The following KCNAB1 variants were observed in gnomAD, a reference collection of about 807,000 sequenced individuals.
KCNAB1 encodes the protein voltage-gated potassium channel subunit beta-1.
A neutral mutation model predicts 64.6 loss-of-function variants in KCNAB1; 35 were observed. That is an observed-to-expected ratio of 0.54 (90% CI 0.41 to 0.72). KCNAB1 has a LOEUF of 0.72. Among genes scored for constraint, KCNAB1 ranks in the 30% least tolerant of loss-of-function variants. The probability of loss-of-function intolerance (pLI) is 0.00; values close to 1 mark genes in which losing one functional copy is unlikely to be tolerated. For synonymous variants in KCNAB1, 177 were observed against 183.8 expected (o/e 0.96, Z 0.30); for missense variants, 401 against 512.9 (o/e 0.78, Z 2.11).
At chr3:156,237,791 T>G (rs541380363) in intron 1 of KCNAB1, among the ~76,000 whole-genome samples, 1 of 152,192 alleles carries the variant, frequency 6.6e-6, no homozygotes, top group East Asian at 1.9e-4. Flanking sequence ...AAATCATTCC[T>G]GATCTTCTTT....
intron 11 of KCNAB1, among the ~76,000 whole-genome samples, chr3:156,522,897 A>G (rs1051129271): frequency 6.6e-6 from 1 of 152,180 alleles, no homozygotes; most frequent in Non-Finnish European, 1.5e-5. Context: ...GATGATTTTT[A>G]ATTGTTTTCC....
intron 1 of KCNAB1, 21 bp downstream of exon 1, chr3:156,120,907 G>C: frequency 6.2e-7 from 1 of 1,610,640 alleles, no homozygotes; most frequent in Non-Finnish European, 8.5e-7. Context: ...CCTGCTCTGC[G>C]CGGGCTTTGG....
In KCNAB1 at chr3:156,452,978, G is replaced by T; in HGVS notation, c.357+42G>T. 1.4e-6 allele frequency: 2 copies of T among 1,408,624 alleles called. No homozygotes were observed. The highest frequency in any genetic ancestry group is 2.0e-6 in the Non-Finnish European group (2 of 1,001,962). The allele number at this position is 1,408,624 out of a possible 1,614,324, so 87.3% of individuals were successfully genotyped here. ...CTCTATTATGCTAATGAAAGAAAAT[G>T]CAGAGAGAGCTGTATTGCAGGAGTC... On this transcript the variant is annotated intron_variant, in intron 3 of 13. Transcript: ENST00000490337. The surrounding 1 kb of genome is among the most constrained non-coding windows in gnomAD (Gnocchi z 4.6).
chr3:156,409,546 G>A (rs557247686), intron 1 of KCNAB1, among the ~76,000 whole-genome samples: 1 of 152,288 alleles, frequency 6.6e-6, no homozygotes, highest in East Asian at 1.9e-4. Context: ...TATCATGAGA[G>A]GACAATCTTT....
intron 1 of KCNAB1, among the ~76,000 whole-genome samples, chr3:156,147,684 A>G (rs1715119811): frequency 6.6e-6 from 1 of 152,162 alleles, no homozygotes; most frequent in African/African-American, 2.4e-5. Context: ...GCTATAAAAG[A>G]AGAAAGGGAA....
At position 156,423,286 on chromosome 3, in the gene KCNAB1, G is replaced by A. The variant is rs536242704; in HGVS notation, c.319+1627G>A. Reference sequence around the variant, plus strand: ...TCCTTTTGAGAGGAAAAAATGATGCGGAAAAAGGAGAGAGAAGAATATCTG... The same window carrying A: ...TCCTTTTGAGAGGAAAAAATGATGCAGAAAAAGGAGAGAGAAGAATATCTG... On this transcript the variant is annotated intron_variant, in intron 2 of 13. Transcript: ENST00000490337. Among the ~76,000 whole-genome samples the A allele has an allele frequency of 4.5e-4, 69 of 152,236 alleles. 1 individual carries two copies. Among genetic ancestry groups the A allele is most frequent in the African/African-American group, 1.4e-3 (59 of 41,540 alleles).
chr3:156,360,784 C>A (rs1725557213), intron 1 of KCNAB1, among the ~76,000 whole-genome samples: 1 of 151,742 alleles, frequency 6.6e-6, no homozygotes, highest in African/African-American at 2.4e-5. Flanking sequence ...TTTATTTTAT[C>A]TTCTGCCTAA....
At chr3:156,125,611 C>A (rs1211638308) in intron 1 of KCNAB1, among the ~76,000 whole-genome samples, 3 of 152,168 alleles carry the variant, frequency 2.0e-5, no homozygotes, top group Non-Finnish European at 4.4e-5. Flanking sequence ...CTGATTTTGA[C>A]CACCTTAATG....
chr3:156,155,885 T>C (rs1482860731), intron 1 of KCNAB1, among the ~76,000 whole-genome samples: 3 of 152,128 alleles, frequency 2.0e-5, no homozygotes, highest in African/African-American at 7.2e-5. Flanking sequence ...TAGGGTTGGG[T>C]CCAGGAGAAC....
At chr3:156,534,774 TAAC>T (rs1291018200) in intron 13 of KCNAB1, among the ~76,000 whole-genome samples, 2 of 152,180 alleles carry the variant, frequency 1.3e-5, no homozygotes, top group Non-Finnish European at 2.9e-5. Context: ...CCAGGCAGTG[TAAC>T]ATCAAGTTTG....
At chr3:156,448,950 C>A (rs1315754279) in intron 2 of KCNAB1, among the ~76,000 whole-genome samples, 1 of 151,916 alleles carries the variant, frequency 6.6e-6, no homozygotes, top group Admixed American at 6.6e-5. Flanking sequence ...AAAGTGTAGC[C>A]CTCAGACAGC....
At chr3:156,329,154 A>G (rs1018273737) in intron 1 of KCNAB1, among the ~76,000 whole-genome samples, 9 of 152,194 alleles carry the variant, frequency 5.9e-5, no homozygotes, top group African/African-American at 1.9e-4. Flanking sequence ...ATTGAAGACC[A>G]AAAACATGAG....
At chr3:156,273,031 C>T (rs954410535) in intron 1 of KCNAB1, among the ~76,000 whole-genome samples, 1 of 151,940 alleles carries the variant, frequency 6.6e-6, no homozygotes, top group East Asian at 1.9e-4. Context: ...GAAAGGGGGC[C>T]TTGCACCTCT....
intron 1 of KCNAB1, among the ~76,000 whole-genome samples, chr3:156,342,585 CT>C (rs60982892): frequency 0.14 from 11,790 of 86,380 alleles, 431 homozygotes; most frequent in Middle Eastern, 0.25. Context: ...CTATGTGTTT[CT>C]TTTTTTTTTT....
At chr3:156,287,953 A>T (rs962096226) in intron 1 of KCNAB1, among the ~76,000 whole-genome samples, 1 of 152,202 alleles carries the variant, frequency 6.6e-6, no homozygotes, top group Non-Finnish European at 1.5e-5. Context: ...CTAAAGTAAA[A>T]ACAAACTGTG....
intron 12 of KCNAB1, among the ~76,000 whole-genome samples, chr3:156,526,143 TCAGTACAGTAACA>T (rs1718293074): frequency 6.6e-6 from 1 of 152,196 alleles, no homozygotes; most frequent in Non-Finnish European, 1.5e-5. Context: ...CCTATAGTAT[TCAGTACAGTAACA>T]TGCTGTACAG....
chr3:156,208,444 G>C (rs1349912850), intron 1 of KCNAB1, among the ~76,000 whole-genome samples: 1 of 152,184 alleles, frequency 6.6e-6, no homozygotes, highest in Non-Finnish European at 1.5e-5. Flanking sequence ...CATCTTGTGA[G>C]ACTAGGAAGG....
At position 156,523,902 on chromosome 3, in the gene KCNAB1, C is replaced by G. The variant is rs147966450; in HGVS notation, c.1036C>G (p.Pro346Ala). The change falls in exon 12 of 14, where the codon CCA becomes GCA. Residue 346 changes from proline (P) to alanine (A), a missense_variant. Physicochemically the swap from Pro to Ala is conservative, Grantham distance 27. Transcript: ENST00000490337. ...GCAAAACAAGCTAAAAGACCTTTCC[C>G]CAATTGCGGAGCGTCTGGGATGCAC... is the stretch of plus-strand genomic sequence containing the variant. ...KQQNKLKDLS[P>A]IAERLGCTLP... 1,357 of 1,613,848 alleles carry G rather than the reference C, an allele frequency of 8.4e-4. 2 individuals carry two copies. The highest frequency in any genetic ancestry group is 1.0e-3 in the Non-Finnish European group (1,229 of 1,179,942).
chr3:156,535,037 CCA>C (rs1718960745), intron 13 of KCNAB1, among the ~76,000 whole-genome samples: 2 of 152,028 alleles, frequency 1.3e-5, no homozygotes, highest in Admixed American at 1.3e-4. Context: ...TCCAACAAAT[CCA>C]GTTTCTAGGT....
Sources: gnomAD v4.1 joint callset for allele counts (sites outside exome capture counted in the v4.1 genomes callset) on GRCh38, gnomAD v4.1.1 for gene constraint, Gnocchi (gnomAD v3.1) non-coding constraint, MANE v1.5 for transcripts, NCBI Gene and HGNC (gene_info 2026-07-23, HGNC 2026-07-21) for gene names.